Variants in SWAP70 observed in about 807,000 individuals in gnomAD.
SWAP70 encodes the protein switch-associated protein 70.
SWAP70 carries 34 observed loss-of-function variants against 80.2 expected under a neutral mutation model. The observed-to-expected ratio is 0.42, with a 90% CI of 0.32 to 0.56. SWAP70 has a LOEUF of 0.56. SWAP70 is among the 20% of genes least tolerant of loss of function. The pLI, the probability that SWAP70 is intolerant of heterozygous loss-of-function variation, is 0.09. For missense variants in SWAP70, 578 were observed against 690.7 expected (o/e 0.84, Z 1.83); for synonymous variants, 239 against 238.5 (o/e 1.00, Z -0.02).
rs543447782 is a variant in SWAP70 at position 9,691,683 on chromosome 11, T to A, written c.100-2463T>A. Among the ~76,000 whole-genome samples, 8 of 152,316 alleles carry A rather than the reference T, an allele frequency of 5.3e-5. No homozygotes were observed. In the South Asian group the frequency reaches 1.7e-3, roughly 32 times the overall value. On this transcript the variant is annotated intron_variant, in intron 1 of 11. Coordinates refer to ENST00000318950, the MANE Select transcript of SWAP70 (RefSeq NM_015055.4). ...GGACCAGAGATTACAAAACCCGAGT[T>A]CTAGTCTCAGTTCTTCTCAGTAACT... is the stretch of plus-strand genomic sequence containing the variant.
intron 7 of SWAP70, among the ~76,000 whole-genome samples, chr11:9,733,027 T>C (rs994864947): frequency 2.0e-5 from 3 of 152,166 alleles, no homozygotes; most frequent in Non-Finnish European, 4.4e-5. Flanking sequence ...AAGGCTGTTC[T>C]TACTGGCCTG....
chr11:9,671,500 AAAT>A (rs1565109375), intron 1 of SWAP70, among the ~76,000 whole-genome samples: 2 of 90,392 alleles, frequency 2.2e-5, no homozygotes, highest in East Asian at 7.2e-4. Context: ...ATATATATAT[AAAT>A]ATATATAAAT....
intron 1 of SWAP70, among the ~76,000 whole-genome samples, chr11:9,670,591 G>A (rs536364479): frequency 3.3e-5 from 5 of 151,972 alleles, no homozygotes; most frequent in Non-Finnish European, 7.4e-5. Flanking sequence ...GACAGTCTTG[G>A]GGAATGGCTA....
chr11:9,686,634 C>T (rs1470734228), intron 1 of SWAP70, among the ~76,000 whole-genome samples: 1 of 152,050 alleles, frequency 6.6e-6, no homozygotes, highest in East Asian at 1.9e-4. Context: ...CAGGTGAGAG[C>T]CACTGTGCCT....
chr11:9,702,061 A>G (rs1465082670), intron 2 of SWAP70, among the ~76,000 whole-genome samples: 1 of 152,252 alleles, frequency 6.6e-6, no homozygotes, highest in Non-Finnish European at 1.5e-5. Context: ...AGAAAAACAC[A>G]GAGAAACTTT....
At chr11:9,677,757 T>C (rs1387728948) in intron 1 of SWAP70, among the ~76,000 whole-genome samples, 1 of 152,070 alleles carries the variant, frequency 6.6e-6, no homozygotes, top group Admixed American at 6.5e-5. Context: ...TTTAAAAAAA[T>C]TTATTGTACC....
At chr11:9,681,405 T>G (rs929578663) in intron 1 of SWAP70, among the ~76,000 whole-genome samples, 48 of 152,230 alleles carry the variant, frequency 3.2e-4, no homozygotes, top group Non-Finnish European at 6.0e-4. Flanking sequence ...CTAATATATG[T>G]TTATTGACTG....
At chr11:9,702,417 T>G (rs1046372742) in intron 2 of SWAP70, among the ~76,000 whole-genome samples, 5 of 152,034 alleles carry the variant, frequency 3.3e-5, no homozygotes, top group African/African-American at 1.2e-4. Context: ...TTTTGTTTTT[T>G]TTTTTGTTTT....
chr11:9,719,706 G>A (rs1436380973), intron 3 of SWAP70, among the ~76,000 whole-genome samples: 1 of 152,120 alleles, frequency 6.6e-6, no homozygotes, highest in Non-Finnish European at 1.5e-5. Context: ...CATAATTTTT[G>A]TTAGAATATA....
chr11:9,737,790 G>A (rs745411964), intron 7 of SWAP70, among the ~76,000 whole-genome samples: 1 of 152,254 alleles, frequency 6.6e-6, no homozygotes, highest in Non-Finnish European at 1.5e-5. Flanking sequence ...CGGCTACTCG[G>A]GAGGCTGAGG....
intron 9 of SWAP70, among the ~76,000 whole-genome samples, chr11:9,745,060 AG>A (rs984618797): frequency 2.0e-5 from 3 of 152,188 alleles, no homozygotes; most frequent in Admixed American, 6.5e-5. Flanking sequence ...GTAAGTACCC[AG>A]GGAAATTTTT....
At chr11:9,739,143 C>T (rs897248141) in intron 8 of SWAP70, among the ~76,000 whole-genome samples, 4 of 152,112 alleles carry the variant, frequency 2.6e-5, no homozygotes, top group South Asian at 2.1e-4. Context: ...TTGGCAGCTC[C>T]GGTTCATCCT....
intron 1 of SWAP70, among the ~76,000 whole-genome samples, chr11:9,671,951 TATATA>T (rs1368633176): frequency 8.9e-6 from 1 of 112,032 alleles, no homozygotes; most frequent in East Asian, 2.6e-4. Flanking sequence ...TATTTTATAA[TATATA>T]ATATATTTTA....
At chr11:9,718,059 A>G (rs1285602619) in intron 3 of SWAP70, among the ~76,000 whole-genome samples, 2 of 152,258 alleles carry the variant, frequency 1.3e-5, no homozygotes, top group African/African-American at 4.8e-5. Context: ...TCTGTAGGCC[A>G]GAGCCCAGCC....
intron 7 of SWAP70, among the ~76,000 whole-genome samples, chr11:9,737,926 G>T (rs1851384252): frequency 6.6e-6 from 1 of 152,128 alleles, no homozygotes; most frequent in African/African-American, 2.4e-5. Context: ...AAAATCTCAT[G>T]AATGCAATCC....
chr11:9,727,442 C>G (rs918399340), intron 4 of SWAP70, among the ~76,000 whole-genome samples: 2 of 152,134 alleles, frequency 1.3e-5, no homozygotes, highest in Non-Finnish European at 2.9e-5. Flanking sequence ...CCACACTGAT[C>G]TTGAACTCCT....
At chr11:9,681,810 G>A (rs1285202869) in intron 1 of SWAP70, among the ~76,000 whole-genome samples, 3 of 152,198 alleles carry the variant, frequency 2.0e-5, no homozygotes, top group Non-Finnish European at 4.4e-5. Context: ...CTTCCTAGAG[G>A]AGGAGACATT....
At chr11:9,749,403 C>T (rs907893048) in intron 11 of SWAP70, among the ~76,000 whole-genome samples, 4 of 152,034 alleles carry the variant, frequency 2.6e-5, no homozygotes, top group Non-Finnish European at 5.9e-5. Context: ...CCCGCCACCA[C>T]GACCGGCTAA....
At chr11:9,720,529 A>G (rs1724609746) in intron 3 of SWAP70, 5 of 975,888 alleles carry the variant, frequency 5.1e-6, no homozygotes, top group African/African-American at 1.8e-5. Flanking sequence ...GTGCCAGGAC[A>G]TGGTCATTCG....
Sources: allele counts gnomAD v4.1 joint callset (sites outside exome capture counted in the v4.1 genomes callset), GRCh38; gene constraint gnomAD v4.1.1; transcripts MANE v1.5; gene names NCBI Gene and HGNC (gene_info 2026-07-23, HGNC 2026-07-21).